WDFY4: variants seen among roughly 807,000 people sequenced by gnomAD.
The protein encoded by WDFY4 is WDFY family member 4.
Under a neutral mutation model 351.9 loss-of-function variants are expected in WDFY4, and 169 were observed. The ratio of observed to expected loss-of-function variants is 0.48; its 90% CI spans 0.42 to 0.55. The LOEUF (loss-of-function observed/expected upper bound fraction) is 0.55. Among genes scored for constraint, WDFY4 ranks in the 20% least tolerant of loss-of-function variants. WDFY4 has a pLI of 0.00. For missense variants in WDFY4, 3,803 were observed against 3,935.6 expected (o/e 0.97, Z 0.90); for synonymous variants, 1,622 against 1,574.6 (o/e 1.03, Z -0.71).
intron 47 of WDFY4, among the ~76,000 whole-genome samples, chr10:48,925,398 G>A (rs1481102523): frequency 6.6e-6 from 1 of 152,162 alleles, no homozygotes; most frequent in Non-Finnish European, 1.5e-5. Flanking sequence ...CTCTGGGCAG[G>A]CCGCTGAAAT....
chr10:48,815,462 T>A (rs2067587986), intron 31 of WDFY4, among the ~76,000 whole-genome samples: 1 of 152,172 alleles, frequency 6.6e-6, no homozygotes, highest in African/African-American at 2.4e-5. Flanking sequence ...GAAACAGATT[T>A]TTTTTTTCTT....
At chr10:48,724,872 T>C (rs2064213989) in intron 5 of WDFY4, among the ~76,000 whole-genome samples, 1 of 152,120 alleles carries the variant, frequency 6.6e-6, no homozygotes, top group Admixed American at 6.5e-5. Flanking sequence ...TGGAGTGCAG[T>C]AGTTAGCAAT....
rs149731863 is a variant in WDFY4, at chr10:48,791,801, C to T, written c.4257+884C>T. ...TTGGGGCAAAGCCTCCTGTGTCTCT[C>T]GCTACTGGGTCAGGGTTAGAGCAGA... is the stretch of plus-strand genomic sequence containing the variant. On this transcript the variant is annotated intron_variant, in intron 23 of 61. Coordinates refer to ENST00000325239, the MANE Select transcript of WDFY4 (RefSeq NM_001394531.1). Among the ~76,000 whole-genome samples, 131 of 152,204 alleles carry T rather than the reference C, an allele frequency of 8.6e-4. 1 individual carries two copies. Among genetic ancestry groups the T allele is most frequent in the African/African-American group, 3.0e-3 (126 of 41,530 alleles).
At chr10:48,975,484 G>C (rs1352073560) in intron 58 of WDFY4, among the ~76,000 whole-genome samples, 1 of 152,190 alleles carries the variant, frequency 6.6e-6, no homozygotes, top group Non-Finnish European at 1.5e-5. Flanking sequence ...ATTTCTTCCA[G>C]ACTGAAGCCC....
chr10:48,731,702 G>A, intron 9 of WDFY4, 140 bp downstream of exon 9: 1 of 1,091,212 alleles, frequency 9.2e-7, no homozygotes, highest in Non-Finnish European at 1.3e-6. Flanking sequence ...GGGACACACA[G>A]TTTCACAAAA....
rs150720072 is a variant in WDFY4, at chr10:48,767,861, C to A, written c.2554-6597C>A. Among the ~76,000 whole-genome samples the A allele has an allele frequency of 7.2e-4, 109 of 152,204 alleles. 1 individual carries two copies. The highest frequency in any genetic ancestry group is 2.9e-3 in the South Asian group (14 of 4,814). ...GGGGGTGGGTGAGCTTAGCGTCCAGCTGGGTGGGCAGGCTCTGAGCTGGGG... is the reference window on the plus strand; with the variant it reads ...GGGGGTGGGTGAGCTTAGCGTCCAGATGGGTGGGCAGGCTCTGAGCTGGGG... On this transcript the variant is annotated intron_variant, in intron 13 of 61. Transcript: ENST00000325239.
intron 25 of WDFY4, 83 bp downstream of exon 25, chr10:48,803,442 C>G: frequency 7.4e-7 from 1 of 1,349,612 alleles, no homozygotes; most frequent in South Asian, 1.3e-5. Flanking sequence ...GCCAGTGGCT[C>G]TTCCCTGCTC....
chr10:48,788,462 A>G (rs1258454083), intron 20 of WDFY4, 68 bp from the exon 21 acceptor site: 6 of 1,494,206 alleles, frequency 4.0e-6, no homozygotes. Context: ...GAGATATTAA[A>G]TTGTATGAGG....
At position 48,796,334 on chromosome 10, in the gene WDFY4, C is replaced by T; in HGVS notation, c.4294C>T (p.Leu1432=). The T allele has an allele frequency of 6.4e-7, 1 of 1,552,364 alleles. No individual in the cohort carries two copies. The highest frequency in any genetic ancestry group is 8.7e-7 in the Non-Finnish European group (1 of 1,147,130). The stretch of plus-strand genomic sequence containing the variant: ...TCTCCTGAGGAAGAAGGCCTCTCTC[C>T]TGAACCATCGAATTTTTCAGCTGAT... ...AFLLRKKASL[L]NHRIFQLILS... is the part of the protein sequence containing the mutation. The change falls in exon 24 of 62, where the codon CTG becomes TTG. Residue 1432 remains leucine (L), a synonymous_variant. Coordinates refer to ENST00000325239, the MANE Select transcript of WDFY4 (RefSeq NM_001394531.1).
chr10:48,886,551 T>G (rs2070462873), intron 43 of WDFY4, among the ~76,000 whole-genome samples: 1 of 152,222 alleles, frequency 6.6e-6, no homozygotes, highest in African/African-American at 2.4e-5. Context: ...TTTCTGTCTC[T>G]GTCTTGCATG....
At chr10:48,688,171 T>G (rs1265641277) in intron 1 of WDFY4, among the ~76,000 whole-genome samples, 1 of 152,244 alleles carries the variant, frequency 6.6e-6, no homozygotes, top group Non-Finnish European at 1.5e-5. Flanking sequence ...GGTTCTCTAT[T>G]CTGTCAATTT....
chr10:48,845,481 A>AGG (rs1426162670), intron 39 of WDFY4, among the ~76,000 whole-genome samples: 2 of 151,858 alleles, frequency 1.3e-5, no homozygotes, highest in African/African-American at 4.9e-5. Context: ...CCCAGAAGAG[A>AGG]GAGTGCAAGT....
At chr10:48,820,136 G>C in intron 32 of WDFY4, 98 bp from the exon 33 acceptor site, 1 of 1,325,674 alleles carries the variant, frequency 7.5e-7, no homozygotes, top group East Asian at 2.5e-5. Flanking sequence ...ACATGTCACT[G>C]GGCATGACAA....
At chr10:48,790,205 C>T (rs999869462) in intron 22 of WDFY4, among the ~76,000 whole-genome samples, 19 of 152,190 alleles carry the variant, frequency 1.2e-4, no homozygotes, top group Non-Finnish European at 2.9e-5. Context: ...GTGGTGAGCT[C>T]AGCTACTAAC....
At chr10:48,910,934 T>C (rs1837941020) in intron 47 of WDFY4, 16 of 983,696 alleles carry the variant, frequency 1.6e-5, no homozygotes, top group Non-Finnish European at 1.9e-5. Flanking sequence ...TTGCTGAACC[T>C]TTTGAATACC....
intron 61 of WDFY4, among the ~76,000 whole-genome samples, chr10:48,982,069 C>T (rs1842832687): frequency 6.6e-6 from 1 of 152,180 alleles, no homozygotes; most frequent in Admixed American, 6.5e-5. Context: ...GTTCCGGGGT[C>T]CTTGGTGGAG....
Position 48,731,260 on chromosome 10 carries a change from T to C in WDFY4, c.1280T>C (p.Leu427Pro). The change falls in exon 9 of 62, where the codon CTG becomes CCG. Residue 427 changes from leucine (L) to proline (P), a missense_variant. Around this residue, in one of 3 missense-constraint regions of WDFY4, gnomAD observed 261 missense variants for 330.2 expected, o/e 0.79. Transcript: ENST00000325239. ...AACTTCTTCCTGCTGGAGTGGACCC[T>C]GCAGCCCATCTCGCAGTTTGTAGAG... Reference protein sequence around the residue: ...ARNFFLLEWTLQPISQFVEIM... With the variant: ...ARNFFLLEWTPQPISQFVEIM... 6.4e-7 allele frequency: 1 copy of C among 1,551,978 alleles called. No individual in the cohort carries two copies. The highest frequency in any genetic ancestry group is 8.7e-7 in the Non-Finnish European group (1 of 1,147,046).
rs995437947 is a variant in WDFY4 at position 48,966,644 on chromosome 10, C to T, written c.8555C>T (p.Ser2852Leu). The change falls in exon 55 of 62, where the codon TCG (serine) becomes TTG (leucine). Residue 2852 changes from serine (S) to leucine (L), a missense_variant. Coordinates refer to ENST00000325239, the MANE Select transcript of WDFY4 (RefSeq NM_001394531.1). ...CAGCCCTTTTTCTACAGCCTGCAGT[C>T]GCTGAGGCCCTCCCAGGTCACGGTC... ...HPQPFFYSLQSLRPSQVTVKD... is the reference protein window; with the variant it reads ...HPQPFFYSLQLLRPSQVTVKD... 18 of 1,551,668 alleles carry T rather than the reference C, an allele frequency of 1.2e-5. No individual in the cohort carries two copies. The highest frequency in any genetic ancestry group is 2.7e-5 in the African/African-American group (2 of 73,048).
In WDFY4 at chr10:48,729,513, G is replaced by C; in HGVS notation, c.1053G>C (p.Gly351=). ...LGLVVWLTTC[G]RSELKVFDSI... ...TGGTGGTGTGGCTGACAACCTGTGG[G>C]AGGTCAGAGCTGAAGGTGTTTGACA... The change falls in exon 8 of 62, where the codon GGG becomes GGC. Residue 351 remains glycine (G), a synonymous_variant. Transcript: ENST00000325239. The C allele has an allele frequency of 1.9e-6, 3 of 1,551,748 alleles. No individual in the cohort carries two copies. The highest frequency in any genetic ancestry group is 2.6e-6 in the Non-Finnish European group (3 of 1,147,012).
Sources: allele counts gnomAD v4.1 joint callset (sites outside exome capture counted in the v4.1 genomes callset), GRCh38; gene constraint gnomAD v4.1.1; regional missense constraint gnomAD v4.1.1; transcripts MANE v1.5; gene names NCBI Gene and HGNC (gene_info 2026-07-23, HGNC 2026-07-21).